USP7: variants seen among roughly 807,000 people sequenced by gnomAD.
The protein encoded by USP7 is ubiquitin C-terminal hydrolase 7.
Under a neutral mutation model 162.9 loss-of-function variants are expected in USP7, and 9 were observed. The ratio of observed to expected loss-of-function variants is 0.06; its 90% CI spans 0.03 to 0.10. The LOEUF (loss-of-function observed/expected upper bound fraction) is 0.10. Ranked by LOEUF, USP7 falls within the 10% of genes least tolerant of loss-of-function variation. The pLI is 1.00. For synonymous variants in USP7, 562 were observed against 475.9 expected (o/e 1.18, Z -2.35); for missense variants, 715 against 1,373.7 (o/e 0.52, Z 7.58).
chr16:8,946,573 T>C (rs1166513391), intron 1 of USP7, among the ~76,000 whole-genome samples: 1 of 152,086 alleles, frequency 6.6e-6, no homozygotes, highest in African/African-American at 2.4e-5. Context: ...AAACAACAGT[T>C]CACAAAACTC....
In USP7 at chr16:8,893,654, C is replaced by T. The variant is rs887623481; in HGVS notation, c.*344G>A. The T allele has an allele frequency of 1.2e-5, 3 of 240,918 alleles. No individual in the cohort carries two copies. Among genetic ancestry groups the T allele is most frequent in the Admixed American group, 9.7e-5 (2 of 20,704 alleles). 14.9% of individuals were successfully genotyped at this position (240,918 alleles called of 1,614,324 possible). On this transcript the variant is annotated 3_prime_UTR_variant, in exon 31 of 31. Coordinates refer to ENST00000344836, the MANE Select transcript of USP7 (RefSeq NM_003470.3). The stretch of plus-strand genomic sequence containing the variant: ...GTGCACGGGACCCCAGGAAGGCAGC[C>T]GAGCCACTCGTGCCCACTAGGGACA...
At chr16:8,901,381 C>A in intron 18 of USP7, 147 bp from the exon 19 acceptor site, 1 of 634,854 alleles carries the variant, frequency 1.6e-6, no homozygotes, top group Non-Finnish European at 2.7e-6. Context: ...CTTAAGGTAC[C>A]TAAAAGTTAC....
At chr16:8,909,880 C>T (rs1014170584) in intron 11 of USP7, among the ~76,000 whole-genome samples, 2 of 152,008 alleles carry the variant, frequency 1.3e-5, no homozygotes, top group African/African-American at 2.4e-5. Context: ...GAGTCGAGAT[C>T]GCGCCACTGC....
chr16:8,953,212 C>G (rs1292592393), intron 1 of USP7, among the ~76,000 whole-genome samples: 3 of 152,124 alleles, frequency 2.0e-5, no homozygotes, highest in Admixed American at 6.5e-5. Context: ...CGCGGTAAGC[C>G]AGTCCTGTCT....
chr16:8,960,501 A>T (rs984781014), intron 1 of USP7, among the ~76,000 whole-genome samples: 3 of 152,288 alleles, frequency 2.0e-5, no homozygotes, highest in Admixed American at 1.3e-4. Flanking sequence ...AACAAACGAA[A>T]CAGTCTCCCA....
Position 8,903,286 on chromosome 16 carries a change from C to G in USP7, c.1821G>C (p.Gln607His). 1 of 1,613,954 alleles carries G rather than the reference C, an allele frequency of 6.2e-7. No homozygotes were observed. Among genetic ancestry groups the G allele is most frequent in the Non-Finnish European group, 8.5e-7 (1 of 1,179,932 alleles). Residue 607 changes from glutamine to histidine, a missense_variant, in exon 16 of 31, where the codon CAG becomes CAC. Around this residue, in one of 11 missense-constraint regions of USP7, gnomAD observed 197 missense variants for 306.5 expected, o/e 0.64. Transcript: ENST00000344836. Reference protein sequence around the residue: ...LKNSSLAEFVQSLSQTMGFPQ... With the variant: ...LKNSSLAEFVHSLSQTMGFPQ... ...TACGCACCATGGTCTGAGAGAGGCTCTGAACAAACTCAGCAAGCGAGGAGT... is the reference window on the plus strand; with the variant it reads ...TACGCACCATGGTCTGAGAGAGGCTGTGAACAAACTCAGCAAGCGAGGAGT...
intron 10 of USP7, among the ~76,000 whole-genome samples, chr16:8,911,398 T>C (rs554831104): frequency 6.6e-6 from 1 of 152,214 alleles, no homozygotes; most frequent in East Asian, 1.9e-4. Context: ...AAATTAAGAA[T>C]GGTAACATTA....
intron 18 of USP7, 86 bp downstream of exon 18, chr16:8,901,996 A>C (rs1017756497): frequency 9.1e-7 from 1 of 1,093,520 alleles, no homozygotes; most frequent in African/African-American, 1.6e-5. Flanking sequence ...CAAGGGAAGA[A>C]GGCTTAACCC....
chr16:8,901,814 G>C, intron 18 of USP7: 1 of 458,652 alleles, frequency 2.2e-6, no homozygotes, highest in Non-Finnish European at 3.9e-6. Flanking sequence ...TTTAGGATCT[G>C]ACCAACGTGA....
chr16:8,896,997 G>C lies in USP7; in HGVS notation c.2819+2C>G. The C allele has an allele frequency of 6.2e-7, 1 of 1,612,216 alleles. No homozygotes were observed. The highest frequency in any genetic ancestry group is 8.5e-7 in the Non-Finnish European group (1 of 1,178,298). ...CCACAATTGGGCTCAAGAAATACTT[G>C]CCTAAGTTTCCCTGATGCTTTCTCC... On this transcript the variant is annotated splice_donor_variant, in intron 26 of 30. Coordinates refer to ENST00000344836, the MANE Select transcript of USP7 (RefSeq NM_003470.3). LOFTEE classifies it high-confidence loss of function.
At position 8,963,174 on chromosome 16, in the gene USP7, CCGGCCCCGCCGCGGCCGGCCCT is replaced by C; in HGVS notation, c.79+11_79+32del. The C allele has an allele frequency of 2.9e-6, 4 of 1,394,390 alleles. No homozygotes were observed. Among genetic ancestry groups the C allele is most frequent in the Non-Finnish European group, 3.8e-6 (4 of 1,063,506 alleles). 86.4% of individuals were successfully genotyped at this position (1,394,390 alleles called of 1,614,324 possible). On this transcript the variant is annotated intron_variant, in intron 1 of 30. Coordinates refer to ENST00000344836, the MANE Select transcript of USP7 (RefSeq NM_003470.3). ...CCCCGGCCACAATGAAAGGCGCCCC[CCGGCCCCGCCGCGGCCGGCCCT>C]CGGGCCTCACCTTCCATCTCCATGT... is the stretch of plus-strand genomic sequence containing the variant.
intron 10 of USP7, among the ~76,000 whole-genome samples, chr16:8,913,712 G>A (rs2061986190): frequency 6.6e-6 from 1 of 152,040 alleles, no homozygotes; most frequent in Non-Finnish European, 1.5e-5. Flanking sequence ...CTGTAAATAT[G>A]TGGGTCAACA....
At chr16:8,938,886 T>C (rs1201684615) in intron 1 of USP7, among the ~76,000 whole-genome samples, 1 of 152,150 alleles carries the variant, frequency 6.6e-6, no homozygotes. Flanking sequence ...GTGTGAAGAT[T>C]ATATGCAAAT....
At chr16:8,909,666 G>A (rs2061913488) in intron 11 of USP7, among the ~76,000 whole-genome samples, 1 of 152,184 alleles carries the variant, frequency 6.6e-6, no homozygotes, top group Non-Finnish European at 1.5e-5. Context: ...AGTGGCTCAT[G>A]CCTGTAATCC....
chr16:8,898,251 T>C, intron 25 of USP7, 109 bp downstream of exon 25: 1 of 946,190 alleles, frequency 1.1e-6, no homozygotes, highest in Non-Finnish European at 1.6e-6. Flanking sequence ...CATGTGCTGT[T>C]GTTTAGAGTG....
At chr16:8,914,868 ATGGTTGCACCCCAGCC>A (rs2062004562) in intron 10 of USP7, among the ~76,000 whole-genome samples, 3 of 152,242 alleles carry the variant, frequency 2.0e-5, no homozygotes, top group Non-Finnish European at 4.4e-5. Flanking sequence ...GCACTGAGCT[ATGGTTGCACCCCAGCC>A]TGTACAGCAC....
chr16:8,958,769 T>G (rs907649961), intron 1 of USP7, among the ~76,000 whole-genome samples: 1 of 152,224 alleles, frequency 6.6e-6, no homozygotes, highest in Admixed American at 6.5e-5. Flanking sequence ...ACAGCATCAG[T>G]GGCGCATGGC....
chr16:8,944,396 T>G (rs1899187611), intron 1 of USP7, among the ~76,000 whole-genome samples: 1 of 152,312 alleles, frequency 6.6e-6, no homozygotes, highest in Middle Eastern at 3.4e-3. Flanking sequence ...CATTTACACC[T>G]TGGCAACTAA....
intron 18 of USP7, 87 bp from the exon 19 acceptor site, chr16:8,901,321 A>T: frequency 1.9e-3 from 2 of 1,066 alleles, no homozygotes; most frequent in Non-Finnish European, 5.6e-3. Flanking sequence ...CAAAAAAACG[A>T]AAAAAAAAAA....
Sources: allele counts gnomAD v4.1 joint callset (sites outside exome capture counted in the v4.1 genomes callset), GRCh38; gene constraint gnomAD v4.1.1; regional missense constraint gnomAD v4.1.1; transcripts MANE v1.5; gene names NCBI Gene and HGNC (gene_info 2026-07-23, HGNC 2026-07-21).